The following MAGI2 variants were observed in gnomAD, a reference collection of about 807,000 sequenced individuals.
The protein encoded by MAGI2 is membrane-associated guanylate kinase, WW and PDZ domain-containing protein 2.
A neutral mutation model predicts 133.3 loss-of-function variants in MAGI2; 35 were observed. The observed-to-expected ratio is 0.26, with a 90% confidence interval of 0.20 to 0.35. The LOEUF is 0.35. Ranked by LOEUF, MAGI2 falls within the 10% of genes least tolerant of loss-of-function variation. The pLI, the probability that MAGI2 is intolerant of heterozygous loss-of-function variation, is 1.00. For synonymous variants in MAGI2, 729 were observed against 710.6 expected (o/e 1.03, Z -0.41); for missense variants, 1,636 against 1,863.4 (o/e 0.88, Z 2.25).
intron 1 of MAGI2, among the ~76,000 whole-genome samples, chr7:79,437,817 A>G (rs1848245689): frequency 1.3e-5 from 2 of 152,162 alleles, no homozygotes; most frequent in Non-Finnish European, 2.9e-5. Context: ...TTGCTAATAA[A>G]GTAAAAATGT....
At chr7:78,748,543 C>G (rs1194849769) in intron 2 of MAGI2, among the ~76,000 whole-genome samples, 1 of 152,180 alleles carries the variant, frequency 6.6e-6, no homozygotes, top group African/African-American at 2.4e-5. Flanking sequence ...TCTACATTTA[C>G]TGCTTGATAT....
chr7:79,451,551 CT>C lies in MAGI2; in HGVS notation c.301+1468del, dbSNP rs1449947488. ...ATAATAACCTATCTCAATTTATTAC[CT>C]CTTAATACTCAAGAATACCCAAGGA... is the stretch of plus-strand genomic sequence containing the variant. On this transcript the variant is annotated intron_variant, in intron 1 of 21. Transcript: ENST00000354212. 2.6e-5 allele frequency among the ~76,000 whole-genome samples: 4 copies of C among 152,082 alleles called. No homozygotes were observed. The East Asian group carries it at 7.7e-4, about 29-fold the overall frequency.
Position 79,101,496 on chromosome 7 carries a change from G to A in MAGI2, c.302-94290C>T, listed in dbSNP as rs565424959. Among the ~76,000 whole-genome samples the A allele has an allele frequency of 2.0e-5, 3 of 152,178 alleles. No individual in the cohort carries two copies. In the East Asian group the frequency reaches 5.8e-4, roughly 29 times the overall value. On this transcript the variant is annotated intron_variant, in intron 1 of 21. Coordinates refer to ENST00000354212, the MANE Select transcript of MAGI2 (RefSeq NM_012301.4). ...TTCCAGCACTTTGGGAGGCCGAGGTGGGCGGATCACGAGGTCAGGAGATCG... is the reference window on the plus strand; with the variant it reads ...TTCCAGCACTTTGGGAGGCCGAGGTAGGCGGATCACGAGGTCAGGAGATCG...
Position 78,019,632 on chromosome 7 carries a change from C to G in MAGI2, c.4051G>C (p.Gly1351Arg), listed in dbSNP as rs1808111755. Reference protein sequence around the residue: ...GRPASEARAPGLAAADAADAA... With the variant: ...GRPASEARAPRLAAADAADAA... ...TCCGCCGCGTCTGCCGCCGCGAGCCCGGGCGCCCTGGCCTCCGAGGCGGGC... is the reference window on the plus strand; with the variant it reads ...TCCGCCGCGTCTGCCGCCGCGAGCCGGGGCGCCCTGGCCTCCGAGGCGGGC... Residue 1351 changes from glycine to arginine, a missense_variant, in exon 22 of 22, where the codon GGG (glycine) becomes CGG (arginine). Around this residue, in one of 5 missense-constraint regions of MAGI2, gnomAD observed 354 missense variants for 298.7 expected, o/e 1.19. Transcript: ENST00000354212. The G allele has an allele frequency of 2.0e-6, 2 of 1,023,282 alleles. No homozygotes were observed. The highest frequency in any genetic ancestry group is 1.2e-6 in the Non-Finnish European group (1 of 856,208). The allele number at this position is 1,023,282 out of a possible 1,614,324, so 63.4% of individuals were successfully genotyped here.
At chr7:78,498,808 C>T (rs1051877100) in intron 5 of MAGI2, among the ~76,000 whole-genome samples, 8 of 152,064 alleles carry the variant, frequency 5.3e-5, no homozygotes, top group African/African-American at 9.7e-5. Flanking sequence ...TATGGAGGAA[C>T]CTTAGCAGGC....
chr7:78,583,738 C>A (rs1363437467), intron 3 of MAGI2, among the ~76,000 whole-genome samples: 1 of 152,014 alleles, frequency 6.6e-6, no homozygotes, highest in South Asian at 2.1e-4. Flanking sequence ...TAAATGAAGA[C>A]CTGTTGCTTG....
chr7:78,881,433 TGGGGGGA>T (rs1045904851), intron 2 of MAGI2, among the ~76,000 whole-genome samples: 3 of 33,906 alleles, frequency 8.8e-5, no homozygotes, highest in Non-Finnish European at 1.7e-4. Flanking sequence ...TGTCGTGGGA[TGGGGGGA>T]GGGGGGAGGG....
chr7:78,870,919 C>G (rs539688564), intron 2 of MAGI2, among the ~76,000 whole-genome samples: 17 of 152,124 alleles, frequency 1.1e-4, no homozygotes, highest in Non-Finnish European at 2.1e-4. Flanking sequence ...GAGCTGGAGA[C>G]TATTACTCTA....
chr7:78,813,229 CAA>C (rs1160487346), intron 2 of MAGI2, among the ~76,000 whole-genome samples: 1 of 152,090 alleles, frequency 6.6e-6, no homozygotes, highest in Non-Finnish European at 1.5e-5. Context: ...AACATTATAA[CAA>C]AGTCATAGTT....
intron 3 of MAGI2, among the ~76,000 whole-genome samples, chr7:78,625,535 A>G: frequency 6.6e-6 from 1 of 152,232 alleles, no homozygotes; most frequent in South Asian, 2.1e-4. Flanking sequence ...TTGAAGAAAA[A>G]ATAGTTTTAA....
chr7:78,596,327 T>C (rs1309645534), intron 3 of MAGI2, among the ~76,000 whole-genome samples: 1 of 152,074 alleles, frequency 6.6e-6, no homozygotes, highest in Non-Finnish European at 1.5e-5. Context: ...AGATGAAGTG[T>C]AGTTCCTTTT....
chr7:78,996,759 T>C (rs549398387), intron 2 of MAGI2, among the ~76,000 whole-genome samples: 1 of 152,298 alleles, frequency 6.6e-6, no homozygotes, highest in African/African-American at 2.4e-5. Context: ...TAGTTGCCAA[T>C]TCTGCAGGTA....
At chr7:78,291,041 G>C (rs1028354151) in intron 9 of MAGI2, among the ~76,000 whole-genome samples, 2 of 152,142 alleles carry the variant, frequency 1.3e-5, no homozygotes, top group Non-Finnish European at 2.9e-5. Flanking sequence ...AGAAGCAAGA[G>C]CAAACACATT....
At chr7:78,207,491 T>A (rs181815584) in intron 10 of MAGI2, among the ~76,000 whole-genome samples, 1 of 152,206 alleles carries the variant, frequency 6.6e-6, no homozygotes, top group African/African-American at 2.4e-5. Flanking sequence ...AGACCTAAGC[T>A]TTCCATCAAA....
In MAGI2 at chr7:78,785,754, G is replaced by T. The variant is rs533284615; in HGVS notation, c.419-158515C>A. On this transcript the variant is annotated intron_variant, in intron 2 of 21. Transcript: ENST00000354212. ...ATCTATAAAGTGAAAAGTTGGACAA[G>T]ATATTCTTTATGATCTCTTTTGATT... 3.3e-5 allele frequency among the ~76,000 whole-genome samples: 5 copies of T among 152,268 alleles called. No homozygotes were observed. In the East Asian group the frequency reaches 7.7e-4, roughly 24 times the overall value.
At chr7:78,132,824 C>A in intron 18 of MAGI2, 65 bp downstream of exon 18, 1 of 1,611,988 alleles carries the variant, frequency 6.2e-7, no homozygotes, top group Non-Finnish European at 8.5e-7. Context: ...GTGCTGTCCC[C>A]AAATACTCCC....
chr7:79,304,938 G>A (rs1026451702), intron 1 of MAGI2, among the ~76,000 whole-genome samples: 5 of 152,164 alleles, frequency 3.3e-5, no homozygotes, highest in African/African-American at 7.2e-5. Context: ...GCTGGGTAAC[G>A]GAAGTCTAGT....
At chr7:78,960,851 C>T (rs553454000) in intron 2 of MAGI2, among the ~76,000 whole-genome samples, 1 of 152,060 alleles carries the variant, frequency 6.6e-6, no homozygotes, top group South Asian at 2.1e-4. Flanking sequence ...GATATTTAAT[C>T]CTCATTAGCC....
At chr7:78,072,598 T>A (rs942963501) in intron 21 of MAGI2, 2 of 241,556 alleles carry the variant, frequency 8.3e-6, no homozygotes, top group Admixed American at 5.6e-5. Context: ...TTTATTTTTG[T>A]ATCATTAGAG....
Sources: gnomAD v4.1 joint callset for allele counts (sites outside exome capture counted in the v4.1 genomes callset) on GRCh38, gnomAD v4.1.1 for gene constraint, gnomAD v4.1.1 regional missense constraint, MANE v1.5 for transcripts, NCBI Gene and HGNC (gene_info 2026-07-23, HGNC 2026-07-21) for gene names.